NPRL3: variants seen among roughly 807,000 people sequenced by gnomAD.
The protein encoded by NPRL3 is NPR3 like, GATOR1 complex subunit.
A neutral mutation model predicts 57.2 loss-of-function variants in NPRL3; 23 were observed. The observed-to-expected ratio is 0.40, with a 90% CI of 0.29 to 0.57. The LOEUF is 0.57. Ranked by LOEUF, NPRL3 falls within the 20% of genes least tolerant of loss-of-function variation. NPRL3 has a pLI of 0.42. For synonymous variants in NPRL3, 333 were observed against 321.1 expected (o/e 1.04, Z -0.39); for missense variants, 691 against 767.1 (o/e 0.90, Z 1.17).
chr16:94,927 T>G (rs1898924107), intron 9 of NPRL3, among the ~76,000 whole-genome samples: 2 of 151,952 alleles, frequency 1.3e-5, no homozygotes, highest in Non-Finnish European at 2.9e-5. Flanking sequence ...AAATCCAAAA[T>G]CAGTACTTAA....
Position 92,581 on chromosome 16 carries a change from G to T in NPRL3, c.1161+15C>A. On this transcript the variant is annotated intron_variant, in intron 11 of 13. Transcript: ENST00000611875. ...ACACCTGCCACTCTGGGCTCCTTGA[G>T]CTTCTGTGACTCACCTCCTGCACAG... is the stretch of plus-strand genomic sequence containing the variant. 1 of 1,611,904 alleles carries T rather than the reference G, an allele frequency of 6.2e-7. No individual in the cohort carries two copies. Among genetic ancestry groups the T allele is most frequent in the South Asian group, 1.1e-5 (1 of 90,650 alleles).
chr16:96,989 A>G (rs1346260968), intron 9 of NPRL3, among the ~76,000 whole-genome samples: 1 of 152,196 alleles, frequency 6.6e-6, no homozygotes. Flanking sequence ...TCACAGGCCA[A>G]AAGAGCATGG....
At chr16:119,637 C>G (rs1005310321) in intron 3 of NPRL3, among the ~76,000 whole-genome samples, 10 of 152,238 alleles carry the variant, frequency 6.6e-5, no homozygotes, top group Non-Finnish European at 1.0e-4. Context: ...CAGTTACACT[C>G]AGGTTTGCTG....
At chr16:123,639 C>A in intron 3 of NPRL3, 1 of 453,630 alleles carries the variant, frequency 2.2e-6, no homozygotes, top group South Asian at 1.6e-5. Context: ...AAAAACTGCA[C>A]AAAAGTCTAG....
chr16:89,909 G>A lies in NPRL3; in HGVS notation c.1162-7C>T, dbSNP rs2141902652. On this transcript the variant is annotated splice_region_variant and splice_polypyrimidine_tract_variant and intron_variant, in intron 11 of 13. Coordinates refer to ENST00000611875, the MANE Select transcript of NPRL3 (RefSeq NM_001077350.3). ...CCATCTGGATGAGCTGGGTCTGCGGGTGGCAGCAGGTGAGGCTGGTCCCCC... is the reference window on the plus strand; with the variant it reads ...CCATCTGGATGAGCTGGGTCTGCGGATGGCAGCAGGTGAGGCTGGTCCCCC... 1 of 1,543,550 alleles carries A rather than the reference G, an allele frequency of 6.5e-7. No homozygotes were observed. Among genetic ancestry groups the A allele is most frequent in the Non-Finnish European group, 8.7e-7 (1 of 1,144,266 alleles).
intron 5 of NPRL3, among the ~76,000 whole-genome samples, chr16:116,797 C>CG (rs1555443792): frequency 2.1e-5 from 3 of 143,752 alleles, no homozygotes; most frequent in African/African-American, 5.2e-5. Flanking sequence ...ACCCCCCCCC[C>CG]CCACCGATCT....
chr16:89,646 T>G, intron 12 of NPRL3, 67 bp downstream of exon 12: 1 of 1,396,564 alleles, frequency 7.2e-7, no homozygotes, highest in Non-Finnish European at 9.3e-7. Flanking sequence ...CCACCCACGT[T>G]GAGCCTCCTG....
chr16:115,524 T>C, intron 5 of NPRL3, among the ~76,000 whole-genome samples: 1 of 150,802 alleles, frequency 6.6e-6, no homozygotes, highest in Admixed American at 6.6e-5. Context: ...TCGCTCTTGT[T>C]GCCCAGATTG....
chr16:110,456 C>T (rs1039823233), intron 7 of NPRL3, 69 bp downstream of exon 7: 38 of 1,274,480 alleles, frequency 3.0e-5, no homozygotes, highest in African/African-American at 2.1e-4. Flanking sequence ...TACCTGTTGA[C>T]GCTGCTCCTC....
rs147034043 is a variant in NPRL3, at chr16:107,879, G to A, written c.629+2646C>T. 2.2e-3 allele frequency among the ~76,000 whole-genome samples: 330 copies of A among 152,288 alleles called. 2 individuals carry two copies. Among genetic ancestry groups the A allele is most frequent in the African/African-American group, 7.7e-3 (318 of 41,552 alleles). On this transcript the variant is annotated intron_variant, in intron 7 of 13. Transcript: ENST00000611875. Reference sequence around the variant, plus strand: ...CTGATTTTTGTTTGTAATCTAATCCGAGTTGAGGCATACACTCAGAATAAG... The same window carrying A: ...CTGATTTTTGTTTGTAATCTAATCCAAGTTGAGGCATACACTCAGAATAAG...
At chr16:119,575 G>A (rs950772604) in intron 3 of NPRL3, among the ~76,000 whole-genome samples, 1 of 152,246 alleles carries the variant, frequency 6.6e-6, no homozygotes. Context: ...GCTGGAGCCG[G>A]CACTGCCCTG....
At chr16:134,093 A>G (rs1900939680) in intron 2 of NPRL3, among the ~76,000 whole-genome samples, 1 of 152,192 alleles carries the variant, frequency 6.6e-6, no homozygotes, top group Non-Finnish European at 1.5e-5. Flanking sequence ...AGAATTACCA[A>G]AACACCACCC....
chr16:130,124 GGACTT>G (rs1900724054), intron 3 of NPRL3, among the ~76,000 whole-genome samples: 1 of 152,054 alleles, frequency 6.6e-6, no homozygotes, highest in Non-Finnish European at 1.5e-5. Flanking sequence ...CACCAAGAAG[GGACTT>G]GACCAGGCTG....
At position 137,225 on chromosome 16, in the gene NPRL3, A is replaced by G. The variant is rs577314449; in HGVS notation, c.118+925T>C. Among the ~76,000 whole-genome samples, 11 of 152,280 alleles carry G rather than the reference A, an allele frequency of 7.2e-5. No individual in the cohort carries two copies. The South Asian group carries it at 1.9e-3, about 26-fold the overall frequency. On this transcript the variant is annotated intron_variant, in intron 2 of 13. Coordinates refer to ENST00000611875, the MANE Select transcript of NPRL3 (RefSeq NM_001077350.3). ...ACAGAGTGAGACTCCGTCTCAAAAA[A>G]TAAATAAAATAAAAACAAAAACTGA...
intron 9 of NPRL3, among the ~76,000 whole-genome samples, chr16:94,939 GGCAAGCATAAGGT>G (rs1411290245): frequency 6.6e-6 from 1 of 151,976 alleles, no homozygotes; most frequent in Non-Finnish European, 1.5e-5. Flanking sequence ...AGTACTTAAG[GGCAAGCATAAGGT>G]GCCAGCAGGA....
At chr16:96,648 C>CAAAAAAA (rs68086908) in intron 9 of NPRL3, among the ~76,000 whole-genome samples, 6 of 100,254 alleles carry the variant, frequency 6.0e-5, no homozygotes, top group African/African-American at 1.7e-4. Flanking sequence ...CCGTCTCTAC[C>CAAAAAAA]AAAAAAAAAA....
intron 9 of NPRL3, among the ~76,000 whole-genome samples, chr16:94,248 G>A (rs1362570604): frequency 6.6e-6 from 1 of 152,046 alleles, no homozygotes; most frequent in East Asian, 1.9e-4. Flanking sequence ...CCTTCCAGAG[G>A]AAAGCTCAGG....
chr16:104,445 G>A (rs1899444890), intron 7 of NPRL3, among the ~76,000 whole-genome samples: 1 of 152,192 alleles, frequency 6.6e-6, no homozygotes, highest in South Asian at 2.1e-4. Flanking sequence ...CTATGGGTAT[G>A]GAGAAATGAG....
At chr16:116,798 C>CCT (rs1555443795) in intron 5 of NPRL3, among the ~76,000 whole-genome samples, 3 of 142,000 alleles carry the variant, frequency 2.1e-5, no homozygotes, top group East Asian at 2.1e-4. Context: ...CCCCCCCCCC[C>CCT]CACCGATCTC....
Sources: allele counts gnomAD v4.1 joint callset (sites outside exome capture counted in the v4.1 genomes callset), GRCh38; gene constraint gnomAD v4.1.1; transcripts MANE v1.5; gene names NCBI Gene and HGNC (gene_info 2026-07-23, HGNC 2026-07-21).